Variants in ESRRG observed in about 807,000 individuals in gnomAD.
The protein encoded by ESRRG is estrogen related receptor gamma, also known as estrogen-related receptor gamma.
ESRRG carries 13 observed loss-of-function variants against 44.0 expected under a neutral mutation model. The observed-to-expected ratio is 0.30, with a 90% confidence interval of 0.19 to 0.47. The LOEUF is 0.47. Among genes scored for constraint, ESRRG ranks in the 20% least tolerant of loss-of-function variants. ESRRG has a pLI of 1.00. For missense variants in ESRRG, 395 were observed against 580.6 expected (o/e 0.68, Z 3.29); for synonymous variants, 215 against 214.6 (o/e 1.00, Z -0.02).
intron 2 of ESRRG, among the ~76,000 whole-genome samples, chr1:216,800,506 G>C (rs1280381467): frequency 6.6e-6 from 1 of 152,122 alleles, no homozygotes; most frequent in African/African-American, 2.4e-5. Context: ...TATATAGGGG[G>C]TTGTTAAAAG....
intron 1 of ESRRG, among the ~76,000 whole-genome samples, chr1:217,082,097 G>T (rs569423845): frequency 6.6e-6 from 1 of 152,288 alleles, no homozygotes; most frequent in Non-Finnish European, 1.5e-5. Context: ...CAGCTGCCCT[G>T]CAACTACTTC....
chr1:216,897,535 T>G lies in ESRRG; in HGVS notation c.-14+42047A>C, dbSNP rs12072823. Among the ~76,000 whole-genome samples the G allele has an allele frequency of 5.1e-3, 777 of 152,250 alleles. 4 individuals carry two copies. Among genetic ancestry groups the G allele is most frequent in the African/African-American group, 0.018 (729 of 41,538 alleles). On this transcript the variant is annotated intron_variant, in intron 2 of 7. Transcript: ENST00000359162. ...CATTTCAAACAGACTTACAACCCAT[T>G]TATATAGGCTTTCCCTGCAAAGTAC...
intron 5 of ESRRG, among the ~76,000 whole-genome samples, chr1:216,524,467 T>C (rs2047065816): frequency 6.6e-6 from 1 of 151,828 alleles, no homozygotes; most frequent in Admixed American, 6.6e-5. Flanking sequence ...TGTTTGTACT[T>C]AAGCCTTAAA....
intron 1 of ESRRG, among the ~76,000 whole-genome samples, chr1:217,023,433 T>C (rs1245319889): frequency 1.3e-5 from 2 of 152,066 alleles, no homozygotes; most frequent in African/African-American, 4.8e-5. Context: ...CCACTTCTTA[T>C]AGGAGAAGTT....
rs1291394343 is a variant in ESRRG, at chr1:217,028,631, C to T, written c.-106+60876G>A. Reference sequence around the variant, plus strand: ...CACCATCACTATTTCCTTCCAATTACACAAGTAGTTTTTCTGACAAAATAA... The same window carrying T: ...CACCATCACTATTTCCTTCCAATTATACAAGTAGTTTTTCTGACAAAATAA... On this transcript the variant is annotated intron_variant, in intron 1 of 7. Transcript: ENST00000359162. Among the ~76,000 whole-genome samples the T allele has an allele frequency of 2.0e-5, 3 of 152,206 alleles. No homozygotes were observed. In the South Asian group the frequency reaches 6.2e-4, roughly 31 times the overall value.
chr1:217,030,470 C>T (rs770529817), intron 1 of ESRRG, among the ~76,000 whole-genome samples: 1 of 152,168 alleles, frequency 6.6e-6, no homozygotes. Flanking sequence ...ACTGGCAGGT[C>T]TAGAAATCTG....
At chr1:217,035,027 C>G (rs935529326) in intron 1 of ESRRG, among the ~76,000 whole-genome samples, 1 of 152,062 alleles carries the variant, frequency 6.6e-6, no homozygotes, top group African/African-American at 2.4e-5. Context: ...TGATGGAGAA[C>G]AAGATAGAGC....
At chr1:216,759,647 ACATTTATT>A in intron 2 of ESRRG, among the ~76,000 whole-genome samples, 1 of 152,264 alleles carries the variant, frequency 6.6e-6, no homozygotes, top group African/African-American at 2.4e-5. Context: ...AAGCTGGAAA[ACATTTATT>A]CATTGAATAT....
chr1:217,087,217 G>A (rs1393293305), intron 1 of ESRRG, among the ~76,000 whole-genome samples: 1 of 152,190 alleles, frequency 6.6e-6, no homozygotes, highest in Admixed American at 6.5e-5. Flanking sequence ...AGGTTACTGA[G>A]AACAGCCCCA....
At chr1:216,778,194 G>C (rs2093684276) in intron 2 of ESRRG, among the ~76,000 whole-genome samples, 2 of 152,014 alleles carry the variant, frequency 1.3e-5, no homozygotes, top group Non-Finnish European at 2.9e-5. Context: ...TAAGAACTGA[G>C]TGGGGAGGGA....
chr1:216,871,741 T>G (rs1275959470), intron 2 of ESRRG, among the ~76,000 whole-genome samples: 2 of 152,082 alleles, frequency 1.3e-5, no homozygotes, highest in African/African-American at 4.8e-5. Flanking sequence ...CTTTATCCTT[T>G]CCTCTTTATG....
At chr1:216,900,925 A>G (rs888445928) in intron 2 of ESRRG, among the ~76,000 whole-genome samples, 1 of 152,192 alleles carries the variant, frequency 6.6e-6, no homozygotes, top group Non-Finnish European at 1.5e-5. Flanking sequence ...CACATTGCCA[A>G]GTGAAATAAG....
intron 2 of ESRRG, among the ~76,000 whole-genome samples, chr1:216,868,172 C>T (rs911004793): frequency 6.6e-6 from 1 of 150,424 alleles, no homozygotes; most frequent in South Asian, 2.1e-4. Context: ...ACTGCAACCT[C>T]CGCCTCCCAG....
At chr1:217,002,804 C>A (rs2077215591) in intron 1 of ESRRG, among the ~76,000 whole-genome samples, 1 of 152,084 alleles carries the variant, frequency 6.6e-6, no homozygotes, top group Non-Finnish European at 1.5e-5. Context: ...AACCTCCAGC[C>A]CCACGCAGGC....
chr1:216,917,786 C>A (rs1175294126), intron 2 of ESRRG, among the ~76,000 whole-genome samples: 1 of 152,196 alleles, frequency 6.6e-6, no homozygotes, highest in African/African-American at 2.4e-5. Context: ...AACACATAGA[C>A]AGATTGAGCT....
intron 2 of ESRRG, among the ~76,000 whole-genome samples, chr1:216,938,758 A>C (rs1392659082): frequency 6.6e-6 from 1 of 152,160 alleles, no homozygotes; most frequent in African/African-American, 2.4e-5. Context: ...TAACTAATAC[A>C]TCAGAGATCC....
chr1:217,021,044 A>G (rs2080226477), intron 1 of ESRRG, among the ~76,000 whole-genome samples: 1 of 122,028 alleles, frequency 8.2e-6, no homozygotes, highest in Admixed American at 9.2e-5. Flanking sequence ...CAACCCTGCC[A>G]TGCATACACA....
chr1:216,562,540 T>C (rs552309502), intron 5 of ESRRG, among the ~76,000 whole-genome samples: 21 of 152,010 alleles, frequency 1.4e-4, no homozygotes, highest in Non-Finnish European at 1.6e-4. Flanking sequence ...TTGAGGCTGT[T>C]TGAAGACAGT....
At chr1:216,832,255 G>A (rs1311348682) in intron 2 of ESRRG, among the ~76,000 whole-genome samples, 1 of 152,170 alleles carries the variant, frequency 6.6e-6, no homozygotes, top group Non-Finnish European at 1.5e-5. Flanking sequence ...TTAGCAAAAA[G>A]TAAAACATTA....
Sources: allele counts gnomAD v4.1 joint callset (sites outside exome capture counted in the v4.1 genomes callset), GRCh38; gene constraint gnomAD v4.1.1; transcripts MANE v1.5; gene names NCBI Gene and HGNC (gene_info 2026-07-23, HGNC 2026-07-21).